LRMDA: variants seen among roughly 807,000 people sequenced by gnomAD.
LRMDA encodes leucine-rich melanocyte differentiation-associated protein.
LRMDA carries 18 observed loss-of-function variants against 29.8 expected under a neutral mutation model. The ratio of observed to expected loss-of-function variants is 0.60; its 90% CI spans 0.42 to 0.90. The LOEUF is 0.90. Ranked by LOEUF, LRMDA falls within the 40% of genes least tolerant of loss-of-function variation. LRMDA has a pLI of 0.00. For missense variants in LRMDA, 273 were observed against 273.9 expected (o/e 1.00, Z 0.02); for synonymous variants, 125 against 109.4 (o/e 1.14, Z -0.89).
At chr10:76,175,752 C>T (rs929149512) in intron 5 of LRMDA, among the ~76,000 whole-genome samples, 15 of 152,148 alleles carry the variant, frequency 9.9e-5, no homozygotes, top group African/African-American at 3.6e-4. Flanking sequence ...GCAGGGCAGA[C>T]CCTGCAAACA....
At chr10:75,964,629 C>T (rs749215112) in intron 2 of LRMDA, among the ~76,000 whole-genome samples, 4 of 152,168 alleles carry the variant, frequency 2.6e-5, no homozygotes, top group Non-Finnish European at 4.4e-5. Context: ...CTGCAGAAGG[C>T]GTTACCCCCG....
chr10:75,914,608 T>A (rs889887798), intron 2 of LRMDA, among the ~76,000 whole-genome samples: 8 of 152,212 alleles, frequency 5.3e-5, no homozygotes, highest in African/African-American at 1.9e-4. Context: ...TGGTTCCCTT[T>A]TATGGATCTG....
At chr10:76,337,599 G>C (rs920590107) in intron 6 of LRMDA, among the ~76,000 whole-genome samples, 5 of 152,256 alleles carry the variant, frequency 3.3e-5, no homozygotes, top group Admixed American at 2.6e-4. Flanking sequence ...AGTAATCTAG[G>C]GGGAGAGTGG....
chr10:75,684,707 C>T (rs1842062690), intron 2 of LRMDA, among the ~76,000 whole-genome samples: 2 of 152,074 alleles, frequency 1.3e-5, no homozygotes, highest in African/African-American at 4.8e-5. Flanking sequence ...GGGTGTTTTC[C>T]AAGGACTTCA....
At chr10:76,546,501 C>T (rs535822548) in intron 6 of LRMDA, among the ~76,000 whole-genome samples, 2 of 152,328 alleles carry the variant, frequency 1.3e-5, no homozygotes, top group Non-Finnish European at 2.9e-5. Flanking sequence ...CCAACATTCT[C>T]CGAGTGGCTA....
intron 5 of LRMDA, among the ~76,000 whole-genome samples, chr10:76,244,602 G>T (rs529943355): frequency 3.9e-5 from 6 of 152,250 alleles, no homozygotes; most frequent in African/African-American, 1.2e-4. Context: ...GCCAGCTGGG[G>T]TCTGTTTCCT....
In LRMDA at chr10:76,501,242, CATAT is replaced by C. The variant is rs1842906207; in HGVS notation, c.602-55965_602-55962del. ...TAGCTGTGCAGCATTCTAAGGTGAA[CATAT>C]ACCACAGTTTCCTTATTCAGTCTAC... On this transcript the variant is annotated intron_variant, in intron 6 of 6. Transcript: ENST00000611255. 3.3e-4 allele frequency among the ~76,000 whole-genome samples: 7 copies of C among 21,208 alleles called. 3 individuals are homozygous for C. Among genetic ancestry groups the C allele is most frequent in the Non-Finnish European group, 2.7e-3 (7 of 2,556 alleles). The allele number at this position is 21,208 out of a possible 152,430, so 13.9% of individuals were successfully genotyped here.
intron 6 of LRMDA, among the ~76,000 whole-genome samples, chr10:76,421,432 G>A (rs180823860): frequency 1.3e-5 from 2 of 152,102 alleles, no homozygotes; most frequent in Admixed American, 1.3e-4. Flanking sequence ...TTTCTTGTAA[G>A]CAGTATATTA....
chr10:75,706,934 T>G (rs547547822), intron 2 of LRMDA, among the ~76,000 whole-genome samples: 1 of 152,276 alleles, frequency 6.6e-6, no homozygotes, highest in Non-Finnish European at 1.5e-5. Context: ...CCATTTCCCC[T>G]TTGTAATATT....
At chr10:75,924,994 C>G (rs889115527) in intron 2 of LRMDA, among the ~76,000 whole-genome samples, 2 of 152,170 alleles carry the variant, frequency 1.3e-5, no homozygotes, top group Non-Finnish European at 2.9e-5. Flanking sequence ...AAGTGCACCT[C>G]GGGTTGCCTT....
At chr10:75,764,972 T>A (rs74360223) in intron 2 of LRMDA, among the ~76,000 whole-genome samples, 5,272 of 150,408 alleles carry the variant, frequency 0.035, 295 homozygotes, top group African/African-American at 0.11. Context: ...TGTGTGTTCA[T>A]AGCATCTCTG....
At chr10:75,617,255 C>T (rs1435925792) in intron 2 of LRMDA, among the ~76,000 whole-genome samples, 1 of 152,112 alleles carries the variant, frequency 6.6e-6, no homozygotes, top group Admixed American at 6.6e-5. Flanking sequence ...CCCAGGGAGG[C>T]CCAAGTGGCA....
At chr10:76,147,716 C>T (rs941052271) in intron 5 of LRMDA, among the ~76,000 whole-genome samples, 8 of 152,124 alleles carry the variant, frequency 5.3e-5, no homozygotes, top group African/African-American at 9.7e-5. Flanking sequence ...AGCTTTGTTC[C>T]GTTGCTGGTG....
chr10:75,913,690 G>A (rs577045212), intron 2 of LRMDA, among the ~76,000 whole-genome samples: 1 of 152,218 alleles, frequency 6.6e-6, no homozygotes, highest in South Asian at 2.1e-4. Context: ...GGGAGCCTTG[G>A]GCTCACCTGC....
chr10:75,737,103 G>GCA (rs1206021203), intron 2 of LRMDA, among the ~76,000 whole-genome samples: 7 of 151,480 alleles, frequency 4.6e-5, no homozygotes, highest in Non-Finnish European at 8.8e-5. Context: ...ACACACACAT[G>GCA]CACACGCACG....
intron 2 of LRMDA, among the ~76,000 whole-genome samples, chr10:75,826,288 G>C (rs936898912): frequency 1.3e-5 from 2 of 152,142 alleles, no homozygotes; most frequent in African/African-American, 2.4e-5. Flanking sequence ...TCAAATGCTA[G>C]TTAAGTGCAG....
intron 6 of LRMDA, among the ~76,000 whole-genome samples, chr10:76,417,888 A>T (rs747790206): frequency 1.4e-4 from 21 of 152,196 alleles, no homozygotes; most frequent in Non-Finnish European, 2.6e-4. Flanking sequence ...GTCAGTAATT[A>T]TTTTTTCATA....
At chr10:76,503,650 A>G (rs1029274492) in intron 6 of LRMDA, among the ~76,000 whole-genome samples, 1 of 151,150 alleles carries the variant, frequency 6.6e-6, no homozygotes, top group Non-Finnish European at 1.5e-5. Context: ...GATCTTTTGT[A>G]TTTCTGTGGT....
intron 5 of LRMDA, among the ~76,000 whole-genome samples, chr10:76,256,896 A>C (rs1852604568): frequency 6.6e-6 from 1 of 152,192 alleles, no homozygotes; most frequent in African/African-American, 2.4e-5. Context: ...GTGTCTCTAA[A>C]ACCTTGGTAG....
Sources: gnomAD v4.1 joint callset for allele counts (sites outside exome capture counted in the v4.1 genomes callset) on GRCh38, gnomAD v4.1.1 for gene constraint, MANE v1.5 for transcripts, NCBI Gene and HGNC (gene_info 2026-07-23, HGNC 2026-07-21) for gene names.